LEPR: variants seen among roughly 807,000 people sequenced by gnomAD.
The protein encoded by LEPR is OB receptor.
In LEPR, 56 loss-of-function variants were observed where a neutral mutation model predicts 114.7. That is an observed-to-expected ratio of 0.49 (90% confidence interval 0.39 to 0.61). The LOEUF is 0.61. LEPR is among the 20% of genes least tolerant of loss of function. The pLI, the probability that LEPR is intolerant of heterozygous loss-of-function variation, is 0.00. For missense variants in LEPR, 1,202 were observed against 1,352.9 expected (o/e 0.89, Z 1.75); for synonymous variants, 443 against 461.4 (o/e 0.96, Z 0.51).
chr1:65,429,539 C>G (rs1317768459), intron 2 of LEPR, among the ~76,000 whole-genome samples: 1 of 152,106 alleles, frequency 6.6e-6, no homozygotes, highest in Non-Finnish European at 1.5e-5. Context: ...CTACTATGTT[C>G]TATAGGGAAG....
chr1:65,459,244 G>T (rs1646915276), intron 2 of LEPR, among the ~76,000 whole-genome samples: 1 of 152,200 alleles, frequency 6.6e-6, no homozygotes, highest in Non-Finnish European at 1.5e-5. Flanking sequence ...CCATGGTGTT[G>T]CCAGTGGTAG....
intron 2 of LEPR, among the ~76,000 whole-genome samples, chr1:65,527,572 A>G (rs1222288446): frequency 5.3e-5 from 8 of 152,204 alleles, no homozygotes; most frequent in Admixed American, 3.9e-4. Flanking sequence ...ATCACTAGTA[A>G]GGACAGGTTT....
At chr1:65,507,251 A>T (rs924769852) in intron 2 of LEPR, among the ~76,000 whole-genome samples, 1 of 151,890 alleles carries the variant, frequency 6.6e-6, no homozygotes, top group Admixed American at 6.6e-5. Context: ...GGATTTCACC[A>T]TCTTGGCCAG....
intron 5 of LEPR, among the ~76,000 whole-genome samples, chr1:65,590,124 C>A (rs1483144569): frequency 6.6e-6 from 1 of 151,706 alleles, no homozygotes; most frequent in Non-Finnish European, 1.5e-5. Flanking sequence ...TTTCAATGTG[C>A]AGATCCTAAA....
rs143176943 is a variant in LEPR at position 65,575,508 on chromosome 1, T to A, written c.494+3059T>A. On this transcript the variant is annotated intron_variant, in intron 5 of 19. Transcript: ENST00000349533. ...ATTTCATGTGTATGTAGTATCATAA[T>A]TCATCAAAATAATTTATAATAGTTA... Among the ~76,000 whole-genome samples the A allele has an allele frequency of 6.0e-4, 91 of 151,740 alleles. 6 individuals carry two copies. Among genetic ancestry groups the A allele is most frequent in the African/African-American group, 2.1e-3 (88 of 40,982 alleles).
rs576780693 is a variant in LEPR, at chr1:65,456,154, G to A, written c.-21+30776G>A. Among the ~76,000 whole-genome samples the A allele has an allele frequency of 3.0e-3, 450 of 152,128 alleles. 2 individuals carry two copies. The highest frequency in any genetic ancestry group is 9.7e-3 in the African/African-American group (401 of 41,524). On this transcript the variant is annotated intron_variant, in intron 2 of 19. Coordinates refer to ENST00000349533, the MANE Select transcript of LEPR (RefSeq NM_002303.6). The stretch of plus-strand genomic sequence containing the variant: ...CCCAGCTTCGGCTCGTGCACGGTGC[G>A]CGCACCCATTGACCTGCGCCCACTG...
At chr1:65,441,014 C>T (rs1041209941) in intron 2 of LEPR, among the ~76,000 whole-genome samples, 3 of 152,156 alleles carry the variant, frequency 2.0e-5, no homozygotes, top group Non-Finnish European at 2.9e-5. Context: ...GTCACAGAAT[C>T]ACAGTTATGT....
rs540557880 is a variant in LEPR at position 65,510,656 on chromosome 1, G to C, written c.-20-54890G>C. On this transcript the variant is annotated intron_variant, in intron 2 of 19. Transcript: ENST00000349533. Reference sequence around the variant, plus strand: ...AGACGTTACAGCACACTGTGTTTTTGAATCTCAAAAGCGCAGACTAGGATT... The same window carrying C: ...AGACGTTACAGCACACTGTGTTTTTCAATCTCAAAAGCGCAGACTAGGATT... Among the ~76,000 whole-genome samples the C allele has an allele frequency of 4.9e-4, 74 of 152,262 alleles. No individual in the cohort carries two copies. The South Asian group carries it at 0.014, about 29-fold the overall frequency.
chr1:65,430,414 T>A (rs1312863057), intron 2 of LEPR: 1 of 159,792 alleles, frequency 6.3e-6, no homozygotes, highest in Admixed American at 6.5e-5. Flanking sequence ...CTCCTGCAAA[T>A]GGGATCATGG....
At chr1:65,504,322 C>T (rs974850385) in intron 2 of LEPR, among the ~76,000 whole-genome samples, 24 of 152,250 alleles carry the variant, frequency 1.6e-4, no homozygotes, top group African/African-American at 5.3e-4. Flanking sequence ...TAGTGATTTC[C>T]TTCCAAAGAG....
intron 2 of LEPR, among the ~76,000 whole-genome samples, chr1:65,543,897 G>C (rs1463539769): frequency 6.6e-6 from 1 of 151,980 alleles, no homozygotes; most frequent in East Asian, 1.9e-4. Flanking sequence ...AAGTCAGTTA[G>C]TGTGATGCCT....
chr1:65,444,347 T>C (rs1362440388), intron 2 of LEPR, among the ~76,000 whole-genome samples: 1 of 151,944 alleles, frequency 6.6e-6, no homozygotes, highest in Non-Finnish European at 1.5e-5. Flanking sequence ...CACCCTCTCA[T>C]AATGTGTTGC....
intron 5 of LEPR, among the ~76,000 whole-genome samples, chr1:65,579,244 T>A (rs1654812282): frequency 6.6e-6 from 1 of 152,158 alleles, no homozygotes; most frequent in Non-Finnish European, 1.5e-5. Flanking sequence ...GAAGCCTGGC[T>A]GGGGTTGGAA....
rs149635866 is a variant in LEPR at position 65,592,817 on chromosome 1, G to A, written c.655G>A (p.Gly219Arg). The A allele has an allele frequency of 2.5e-6, 4 of 1,613,048 alleles. No individual in the cohort carries two copies. The highest frequency in any genetic ancestry group is 2.7e-5 in the African/African-American group (2 of 74,838). The change falls in exon 6 of 20, where the codon GGA becomes AGA. Residue 219 changes from glycine to arginine, a missense_variant. Physicochemically the swap from Gly to Arg is moderately radical, Grantham distance 125. Coordinates refer to ENST00000349533, the MANE Select transcript of LEPR (RefSeq NM_002303.6). Reference protein sequence around the residue: ...LLMCLKITSGGVIFQSPLMSV... With the variant: ...LLMCLKITSGRVIFQSPLMSV... ...TATGTGTTTGAAAATCACATCTGGT[G>A]GAGTAATTTTCCAGTCACCTCTAAT...
intron 2 of LEPR, among the ~76,000 whole-genome samples, chr1:65,497,682 T>G (rs1648234953): frequency 6.6e-6 from 1 of 152,104 alleles, no homozygotes; most frequent in South Asian, 2.1e-4. Flanking sequence ...AAACCACTTA[T>G]CTCACCCTTA....
At chr1:65,480,433 G>A (rs1647210431) in intron 2 of LEPR, among the ~76,000 whole-genome samples, 1 of 152,074 alleles carries the variant, frequency 6.6e-6, no homozygotes, top group East Asian at 1.9e-4. Context: ...CTAGAGTGAA[G>A]CTAAGATATA....
intron 2 of LEPR, among the ~76,000 whole-genome samples, chr1:65,507,486 T>TATATATGTGTGTGTATATATATATAC (rs1648802842): frequency 6.9e-6 from 1 of 144,604 alleles, no homozygotes; most frequent in Admixed American, 6.9e-5. Context: ...CATATATATG[T>TATATATGTGTGTGTATATATATATAC]ATATATGTGT....
intron 19 of LEPR, chr1:65,626,355 T>C: frequency 7.9e-7 from 1 of 1,264,300 alleles, no homozygotes; most frequent in Non-Finnish European, 1.0e-6. Context: ...GTGTGAATGT[T>C]CTTATTTGTA....
In LEPR at chr1:65,554,348, G is replaced by A. The variant is rs146714573; in HGVS notation, c.-20-11198G>A. 6.3e-3 allele frequency among the ~76,000 whole-genome samples: 961 copies of A among 152,316 alleles called. 13 individuals carry two copies. Among genetic ancestry groups the A allele is most frequent in the African/African-American group, 0.021 (856 of 41,562 alleles). Reference sequence around the variant, plus strand: ...CAGGGAGAATGCTGTGTCCCAGGGAGATGGGAGTTTTATCTATAAGCCCCT... The same window carrying A: ...CAGGGAGAATGCTGTGTCCCAGGGAAATGGGAGTTTTATCTATAAGCCCCT... On this transcript the variant is annotated intron_variant, in intron 2 of 19. Transcript: ENST00000349533.
Sources: allele counts gnomAD v4.1 joint callset (sites outside exome capture counted in the v4.1 genomes callset), GRCh38; gene constraint gnomAD v4.1.1; transcripts MANE v1.5; gene names NCBI Gene and HGNC (gene_info 2026-07-23, HGNC 2026-07-21).